PPM1H: variants seen among roughly 807,000 people sequenced by gnomAD.
PPM1H encodes protein phosphatase, Mg2+/Mn2+ dependent 1H, also known as protein phosphatase 1H.
Under a neutral mutation model 54.9 loss-of-function variants are expected in PPM1H, and 27 were observed. The ratio of observed to expected loss-of-function variants is 0.49; its 90% CI spans 0.36 to 0.68. The LOEUF (loss-of-function observed/expected upper bound fraction) is 0.68, where lower values mean the gene tolerates loss of function less well. Ranked by LOEUF, PPM1H falls within the 30% of genes least tolerant of loss-of-function variation. The pLI, the probability that PPM1H is intolerant of heterozygous loss-of-function variation, is 0.00. For missense variants in PPM1H, 596 were observed against 667.8 expected (o/e 0.89, Z 1.19); for synonymous variants, 305 against 270.8 (o/e 1.13, Z -1.24).
chr12:62,656,431 C>G (rs1288247384), intron 9 of PPM1H, among the ~76,000 whole-genome samples: 1 of 152,174 alleles, frequency 6.6e-6, no homozygotes, highest in African/African-American at 2.4e-5. Context: ...AAATGCCTTT[C>G]TCCTCCCCAG....
chr12:62,810,687 C>T (rs2120775798), intron 2 of PPM1H, among the ~76,000 whole-genome samples: 1 of 152,330 alleles, frequency 6.6e-6, no homozygotes. Flanking sequence ...TGAGTTAAAA[C>T]AAACATATTC....
chr12:62,897,104 G>C (rs868785784), intron 1 of PPM1H, among the ~76,000 whole-genome samples: 1 of 123,522 alleles, frequency 8.1e-6, no homozygotes, highest in Non-Finnish European at 1.7e-5. Context: ...CTGTTGCGGG[G>C]TGGGGGGAGG....
chr12:62,663,393 C>T (rs1411574299), intron 9 of PPM1H, among the ~76,000 whole-genome samples: 2 of 152,022 alleles, frequency 1.3e-5, no homozygotes, highest in Non-Finnish European at 2.9e-5. Context: ...CACTATGTTG[C>T]CCAGGCTGGT....
chr12:62,894,759 C>T (rs562031342), intron 1 of PPM1H, among the ~76,000 whole-genome samples: 3 of 152,252 alleles, frequency 2.0e-5, no homozygotes, highest in Non-Finnish European at 2.9e-5. Context: ...TTGCTAGGCG[C>T]CGTGGCTCAC....
At chr12:62,891,601 T>C (rs1018130656) in intron 1 of PPM1H, among the ~76,000 whole-genome samples, 1 of 152,236 alleles carries the variant, frequency 6.6e-6, no homozygotes, top group African/African-American at 2.4e-5. Flanking sequence ...GACATTTTTC[T>C]AGCTGTCCTA....
chr12:62,682,821 T>A (rs999869269), intron 8 of PPM1H, among the ~76,000 whole-genome samples: 20 of 148,748 alleles, frequency 1.3e-4, no homozygotes, highest in Admixed American at 2.7e-4. Context: ...TCTCTCTTTT[T>A]CATGGGGAGG....
intron 1 of PPM1H, among the ~76,000 whole-genome samples, chr12:62,925,731 A>G (rs911235049): frequency 1.3e-5 from 2 of 152,198 alleles, no homozygotes; most frequent in Admixed American, 1.3e-4. Context: ...AGCCATATTT[A>G]GTTCCAAAGC....
At chr12:62,722,260 A>G (rs534405000) in intron 5 of PPM1H, among the ~76,000 whole-genome samples, 1 of 152,222 alleles carries the variant, frequency 6.6e-6, no homozygotes, top group Non-Finnish European at 1.5e-5. Context: ...TTGTATCAGC[A>G]TGAATACAAT....
At position 62,648,600 on chromosome 12, in the gene PPM1H, G is replaced by A; in HGVS notation, c.1434C>T (p.Ala478=). The A allele has an allele frequency of 5.6e-6, 9 of 1,613,916 alleles. No homozygotes were observed. The highest frequency in any genetic ancestry group is 7.6e-6 in the Non-Finnish European group (9 of 1,179,880). The part of the protein sequence containing the change: ...TLAAQDLVMR[A]RGVLKDRGWR... ...ATCCTCTGTCCTTCAGCACACCCCGGGCACGCATCACCAGGTCCTGAGCTG... is the reference window on the plus strand; with the variant it reads ...ATCCTCTGTCCTTCAGCACACCCCGAGCACGCATCACCAGGTCCTGAGCTG... The change falls in exon 10 of 10, where the codon GCC becomes GCT. Residue 478 remains alanine, a synonymous_variant. Transcript: ENST00000228705.
intron 6 of PPM1H, among the ~76,000 whole-genome samples, chr12:62,712,130 C>T (rs1000556115): frequency 1.3e-5 from 2 of 152,184 alleles, no homozygotes; most frequent in Admixed American, 6.5e-5. Context: ...GTGGGGCTGA[C>T]CCATTCTGAG....
intron 1 of PPM1H, among the ~76,000 whole-genome samples, chr12:62,893,955 G>A (rs1870890989): frequency 6.6e-6 from 1 of 152,136 alleles, no homozygotes. Flanking sequence ...ACTATTGAAT[G>A]AGAAGAGACC....
At chr12:62,709,344 C>A (rs374933882) in intron 6 of PPM1H, among the ~76,000 whole-genome samples, 1 of 152,316 alleles carries the variant, frequency 6.6e-6, no homozygotes, top group East Asian at 1.9e-4. Flanking sequence ...CCTGGCACAG[C>A]AGGGAGGCTT....
chr12:62,773,971 A>G (rs184639456), intron 4 of PPM1H, among the ~76,000 whole-genome samples: 1 of 152,304 alleles, frequency 6.6e-6, no homozygotes, highest in African/African-American at 2.4e-5. Context: ...AGGGAAGAAA[A>G]TGGATCATAG....
chr12:62,859,418 T>A (rs1869516583), intron 1 of PPM1H, among the ~76,000 whole-genome samples: 1 of 152,206 alleles, frequency 6.6e-6, no homozygotes, highest in African/African-American at 2.4e-5. Context: ...AACCCTGCAG[T>A]GACTTGCATT....
intron 1 of PPM1H, among the ~76,000 whole-genome samples, chr12:62,907,633 T>C (rs2121131144): frequency 6.6e-6 from 1 of 152,328 alleles, no homozygotes; most frequent in South Asian, 2.1e-4. Context: ...CAGTAAGTAC[T>C]TGTTACACAG....
At chr12:62,818,942 T>A (rs2076886142) in intron 2 of PPM1H, among the ~76,000 whole-genome samples, 1 of 148,538 alleles carries the variant, frequency 6.7e-6, no homozygotes, top group Non-Finnish European at 1.5e-5. Context: ...TGCCTCAGAC[T>A]CCCAAGAAGC....
At chr12:62,820,263 G>C (rs2076894805) in intron 2 of PPM1H, among the ~76,000 whole-genome samples, 1 of 152,218 alleles carries the variant, frequency 6.6e-6, no homozygotes, top group Non-Finnish European at 1.5e-5. Flanking sequence ...GCTCGAACTG[G>C]GCAGAGCCCA....
intron 8 of PPM1H, among the ~76,000 whole-genome samples, chr12:62,682,465 A>G (rs928449290): frequency 6.6e-6 from 1 of 152,222 alleles, no homozygotes; most frequent in African/African-American, 2.4e-5. Flanking sequence ...GTTAAATATT[A>G]TTCATGTTTT....
intron 3 of PPM1H, among the ~76,000 whole-genome samples, chr12:62,794,578 C>T (rs1001543537): frequency 3.3e-5 from 5 of 152,126 alleles, no homozygotes; most frequent in Non-Finnish European, 7.4e-5. Context: ...ACTCTGAGAT[C>T]CTCCCGGCTA....
Sources: allele counts gnomAD v4.1 joint callset (sites outside exome capture counted in the v4.1 genomes callset), GRCh38; gene constraint gnomAD v4.1.1; transcripts MANE v1.5; gene names NCBI Gene and HGNC (gene_info 2026-07-23, HGNC 2026-07-21).